The following P3H2 variants were observed in gnomAD, a reference collection of about 807,000 sequenced individuals.
P3H2 encodes the protein leprecan-like 1.
In P3H2, 80 loss-of-function variants were observed where a neutral mutation model predicts 87.0. The observed-to-expected ratio is 0.92, with a 90% CI of 0.77 to 1.11. P3H2 has a LOEUF of 1.11. P3H2 is among the 50% of genes least tolerant of loss of function. P3H2 has a pLI of 0.00. For missense variants in P3H2, 1,001 were observed against 923.9 expected (o/e 1.08, Z -1.08); for synonymous variants, 367 against 359.3 (o/e 1.02, Z -0.24).
intron 10 of P3H2, among the ~76,000 whole-genome samples, chr3:189,973,645 T>C (rs1428560858): frequency 1.3e-5 from 2 of 149,456 alleles, no homozygotes; most frequent in Non-Finnish European, 3.0e-5. Context: ...TGCCTCAGCC[T>C]CCCGAGTAGC....
At chr3:190,098,447 GA>G (rs1711505581) in intron 1 of P3H2, among the ~76,000 whole-genome samples, 1 of 152,154 alleles carries the variant, frequency 6.6e-6, no homozygotes, top group East Asian at 1.9e-4. Context: ...TGCTATAAAT[GA>G]GACAGGATAA....
At chr3:189,995,544 C>A (rs985488469) in intron 1 of P3H2, 102 bp from the exon 2 acceptor site, 14 of 1,095,602 alleles carry the variant, frequency 1.3e-5, no homozygotes, top group Admixed American at 5.5e-5. Flanking sequence ...AAGAATGAAA[C>A]TAGGAGCCTT....
chr3:189,957,489 G>A lies in P3H2; in HGVS notation c.*423C>T, dbSNP rs1322288493. On this transcript the variant is annotated 3_prime_UTR_variant, in exon 15 of 15. Transcript: ENST00000319332. ...TGTGTGTGTGTGTGTGTTTGGGGGAGGAGGTGAACTGGGCTTTGATAGATA... is the reference window on the plus strand; with the variant it reads ...TGTGTGTGTGTGTGTGTTTGGGGGAAGAGGTGAACTGGGCTTTGATAGATA... 2 of 384,594 alleles carry A rather than the reference G, an allele frequency of 5.2e-6. No homozygotes were observed. Among genetic ancestry groups the A allele is most frequent in the Non-Finnish European group, 4.6e-6 (1 of 217,880 alleles). The allele number at this position is 384,594 out of a possible 1,614,324, so 23.8% of individuals were successfully genotyped here.
At chr3:189,981,801 G>A (rs1183042461) in intron 8 of P3H2, among the ~76,000 whole-genome samples, 1 of 152,192 alleles carries the variant, frequency 6.6e-6, no homozygotes, top group African/African-American at 2.4e-5. Context: ...TGATTTCTCA[G>A]CCTAAAAGGC....
intron 1 of P3H2, among the ~76,000 whole-genome samples, chr3:190,034,673 G>A (rs1215860592): frequency 6.6e-6 from 1 of 152,138 alleles, no homozygotes; most frequent in South Asian, 2.1e-4. Flanking sequence ...ATTTTGGGTG[G>A]TGACGTAACT....
intron 14 of P3H2, chr3:189,963,526 TTTA>T: frequency 4.9e-6 from 1 of 202,182 alleles, no homozygotes; most frequent in Non-Finnish European, 1.0e-5. Context: ...CTTACTGCAA[TTTA>T]CGCCTCCCAG....
intron 1 of P3H2, among the ~76,000 whole-genome samples, chr3:190,052,790 A>G (rs1157986200): frequency 6.6e-6 from 1 of 152,052 alleles, no homozygotes; most frequent in East Asian, 1.9e-4. Flanking sequence ...CATGTAAAAG[A>G]ATATAATTTG....
intron 12 of P3H2, chr3:189,971,565 T>C: frequency 2.8e-6 from 1 of 357,866 alleles, no homozygotes; most frequent in Non-Finnish European, 5.4e-6. Flanking sequence ...CTCCATGCCC[T>C]TGTATTCTGA....
chr3:190,037,362 T>C (rs1725458297), intron 1 of P3H2, among the ~76,000 whole-genome samples: 1 of 152,050 alleles, frequency 6.6e-6, no homozygotes, highest in South Asian at 2.1e-4. Context: ...TCTAGATTTC[T>C]CCCCAGAAAG....
At chr3:190,026,019 T>C (rs760962362) in intron 1 of P3H2, among the ~76,000 whole-genome samples, 7 of 152,186 alleles carry the variant, frequency 4.6e-5, no homozygotes, top group Non-Finnish European at 7.3e-5. Flanking sequence ...TTGTTTTTAT[T>C]AACCATTATT....
chr3:190,116,939 G>A (rs1712311464), intron 1 of P3H2, among the ~76,000 whole-genome samples: 1 of 141,046 alleles, frequency 7.1e-6, no homozygotes, highest in Admixed American at 6.7e-5. Context: ...CATGAAAGAT[G>A]TAGTGAGTAT....
intron 1 of P3H2, among the ~76,000 whole-genome samples, chr3:190,028,672 T>C (rs10513845): frequency 0.16 from 24,056 of 146,440 alleles, 2,786 homozygotes; most frequent in Non-Finnish European, 0.22. Flanking sequence ...GCTTCTTAGA[T>C]GGAGACACTC....
intron 1 of P3H2, among the ~76,000 whole-genome samples, chr3:190,060,954 T>C (rs2108966609): frequency 6.6e-6 from 1 of 152,258 alleles, no homozygotes; most frequent in Admixed American, 6.5e-5. Flanking sequence ...GGGGCACATG[T>C]ACAATTTTGT....
chr3:190,034,966 G>A (rs919202228), intron 1 of P3H2, among the ~76,000 whole-genome samples: 7 of 149,962 alleles, frequency 4.7e-5, no homozygotes, highest in South Asian at 2.1e-4. Flanking sequence ...CTCCTGCCTC[G>A]GCCTCCTGAG....
intron 1 of P3H2, among the ~76,000 whole-genome samples, chr3:190,083,217 C>A (rs1560393342): frequency 6.6e-6 from 1 of 152,114 alleles, no homozygotes; most frequent in African/African-American, 2.4e-5. Flanking sequence ...CTGAAAAATG[C>A]AAAACATCTT....
At chr3:190,048,260 C>T (rs1238740542) in intron 1 of P3H2, among the ~76,000 whole-genome samples, 9 of 152,194 alleles carry the variant, frequency 5.9e-5, no homozygotes, top group Non-Finnish European at 1.0e-4. Context: ...CTTTGGGAGG[C>T]TGAGGTGGGC....
chr3:190,028,866 G>A (rs541520363), intron 1 of P3H2, among the ~76,000 whole-genome samples: 58 of 152,062 alleles, frequency 3.8e-4, no homozygotes, highest in Non-Finnish European at 7.8e-4. Flanking sequence ...TTCCTTAAAA[G>A]CCCCAAACAT....
At chr3:190,071,700 G>A (rs982947300) in intron 1 of P3H2, among the ~76,000 whole-genome samples, 1 of 152,036 alleles carries the variant, frequency 6.6e-6, no homozygotes, top group Non-Finnish European at 1.5e-5. Context: ...AGAGTCATTT[G>A]AGAGTGATGA....
At chr3:189,988,081 G>A (rs1348443230) in intron 4 of P3H2, among the ~76,000 whole-genome samples, 1 of 152,168 alleles carries the variant, frequency 6.6e-6, no homozygotes, top group Non-Finnish European at 1.5e-5. Context: ...AGTAACATAA[G>A]TGCTTTTAAA....
Sources: allele counts gnomAD v4.1 joint callset (sites outside exome capture counted in the v4.1 genomes callset), GRCh38; gene constraint gnomAD v4.1.1; transcripts MANE v1.5; gene names NCBI Gene and HGNC (gene_info 2026-07-23, HGNC 2026-07-21).